The following NFIB variants were observed in gnomAD, a reference collection of about 807,000 sequenced individuals.
The protein encoded by NFIB is nuclear factor 1 B-type.
A neutral mutation model predicts 61.5 loss-of-function variants in NFIB; 11 were observed. That is an observed-to-expected ratio of 0.18 (90% CI 0.11 to 0.30). The LOEUF (loss-of-function observed/expected upper bound fraction) is 0.30, where lower values mean the gene tolerates loss of function less well. NFIB is among the 10% of genes least tolerant of loss of function. The pLI is 1.00. For synonymous variants in NFIB, 260 were observed against 216.5 expected (o/e 1.20, Z -1.76); for missense variants, 471 against 608.9 (o/e 0.77, Z 2.38).
rs548547573 is a variant in NFIB, at chr9:14,170,140, TAA to T, written c.616+9585_616+9586del. On this transcript the variant is annotated intron_variant, in intron 3 of 10. Transcript: ENST00000380953. ...CCTGGACAGTTTAGTCCAGCGAGCTTAACTTCTGCAAAGTTCAGTGATTTTAA... is the reference window on the plus strand; with the variant it reads ...CCTGGACAGTTTAGTCCAGCGAGCTTCTTCTGCAAAGTTCAGTGATTTTAA... Among the ~76,000 whole-genome samples, 929 of 152,304 alleles carry T rather than the reference TAA, an allele frequency of 6.1e-3. 9 individuals carry two copies. Among genetic ancestry groups the T allele is most frequent in the South Asian group, 0.025 (122 of 4,830 alleles).
At chr9:14,466,900 A>G in the NFIB span, among the ~76,000 whole-genome samples, 1 of 152,106 alleles carries the variant, frequency 6.6e-6, no homozygotes, top group Non-Finnish European at 1.5e-5. Context: ...GCTGACCTCT[A>G]TTTGCCTGAA....
intron 1 of NFIB, among the ~76,000 whole-genome samples, chr9:14,366,988 G>C (rs1665220848): frequency 2.0e-5 from 3 of 152,048 alleles, no homozygotes; most frequent in Admixed American, 1.3e-4. Flanking sequence ...AGTTTTGGCT[G>C]TCTCTCCTTC....
chr9:14,139,445 T>C (rs2041443427), intron 6 of NFIB, among the ~76,000 whole-genome samples: 7 of 152,182 alleles, frequency 4.6e-5, no homozygotes, highest in Non-Finnish European at 1.0e-4. Context: ...CAGAGAAACT[T>C]TGTATGGCAC....
chr9:14,272,692 CAAAAAAAAA>C (rs61391471), intron 2 of NFIB, among the ~76,000 whole-genome samples: 3 of 67,208 alleles, frequency 4.5e-5, no homozygotes, highest in East Asian at 4.6e-4. Flanking sequence ...TCAATTCTCG[CAAAAAAAAA>C]AAAAAAAAAA....
chr9:14,497,816 G>A, the NFIB span, among the ~76,000 whole-genome samples: 25 of 152,248 alleles, frequency 1.6e-4, no homozygotes, highest in South Asian at 1.0e-3. Flanking sequence ...GAAGAGTGAG[G>A]GTCTTTTTCT....
At chr9:14,530,568 G>C in the NFIB span, among the ~76,000 whole-genome samples, 2 of 152,148 alleles carry the variant, frequency 1.3e-5, no homozygotes, top group African/African-American at 4.8e-5. Flanking sequence ...GAAGGACTCA[G>C]CTTCCAGGGA....
chr9:14,373,823 T>C (rs76300257), intron 1 of NFIB, among the ~76,000 whole-genome samples: 3,228 of 152,272 alleles, frequency 0.021, 51 homozygotes, highest in Middle Eastern at 0.031. Context: ...CAGATCCACA[T>C]TCATTTTAAT....
At chr9:14,517,665 T>C in the NFIB span, among the ~76,000 whole-genome samples, 1 of 151,838 alleles carries the variant, frequency 6.6e-6, no homozygotes, top group East Asian at 1.9e-4. Context: ...GGTGATTTAA[T>C]AGCCCATGGC....
chr9:14,123,902 C>G (rs778568110), intron 7 of NFIB, among the ~76,000 whole-genome samples: 3 of 152,060 alleles, frequency 2.0e-5, no homozygotes, highest in Non-Finnish European at 2.9e-5. Flanking sequence ...CCTCTTCTTC[C>G]TAGTTTGTTG....
chr9:14,306,045 A>G, intron 2 of NFIB: 2 of 836,488 alleles, frequency 2.4e-6, no homozygotes, highest in Non-Finnish European at 1.8e-6. Flanking sequence ...TATTAAGAAA[A>G]ATAAAAATAA....
intron 6 of NFIB, among the ~76,000 whole-genome samples, chr9:14,128,332 A>G (rs990901252): frequency 6.6e-6 from 1 of 152,252 alleles, no homozygotes; most frequent in Admixed American, 6.5e-5. Context: ...AATTTCAAGT[A>G]AAATGTAACT....
chr9:14,103,203 C>T (rs79839771), intron 10 of NFIB, among the ~76,000 whole-genome samples: 1,578 of 152,282 alleles, frequency 0.01, 28 homozygotes, highest in African/African-American at 0.036. Flanking sequence ...ATCTCCGAAT[C>T]ATCAGCTCTG....
intron 1 of NFIB, among the ~76,000 whole-genome samples, chr9:14,395,726 C>CTTTTTTTTTT (rs35417792): frequency 1.5e-5 from 1 of 65,726 alleles, no homozygotes; most frequent in Non-Finnish European, 3.0e-5. Flanking sequence ...ATTCTTTTGA[C>CTTTTTTTTTT]TTTTTTTTTT....
At chr9:14,507,448 T>G in the NFIB span, among the ~76,000 whole-genome samples, 14 of 152,248 alleles carry the variant, frequency 9.2e-5, no homozygotes, top group Non-Finnish European at 1.6e-4. Flanking sequence ...TAAGCTTTCA[T>G]TACTAATTCC....
intron 6 of NFIB, among the ~76,000 whole-genome samples, chr9:14,134,565 G>A (rs1407142529): frequency 1.3e-5 from 2 of 152,028 alleles, no homozygotes; most frequent in African/African-American, 4.8e-5. Context: ...AAATTCTATG[G>A]TGTAGCCAAA....
At chr9:14,122,556 T>C (rs2039079092) in intron 7 of NFIB, among the ~76,000 whole-genome samples, 1 of 152,252 alleles carries the variant, frequency 6.6e-6, no homozygotes, top group African/African-American at 2.4e-5. Flanking sequence ...GAAGTATTAC[T>C]TTATTTAAGA....
chr9:14,483,108 A>G, the NFIB span, among the ~76,000 whole-genome samples: 42 of 152,344 alleles, frequency 2.8e-4, no homozygotes, highest in African/African-American at 9.9e-4. Context: ...GAAGTGAATC[A>G]TAACCTCCTG....
intron 10 of NFIB, among the ~76,000 whole-genome samples, chr9:14,101,174 T>C (rs991875794): frequency 3.3e-5 from 5 of 152,192 alleles, no homozygotes; most frequent in African/African-American, 9.7e-5. Flanking sequence ...GTTGAGTTTA[T>C]CTTCTTTTTA....
At chr9:14,510,110 G>T in the NFIB span, among the ~76,000 whole-genome samples, 1 of 152,196 alleles carries the variant, frequency 6.6e-6, no homozygotes, top group Non-Finnish European at 1.5e-5. Context: ...TGGCCAGGCA[G>T]ATCTTGAACT....
Sources: gnomAD v4.1 joint callset for allele counts (sites outside exome capture counted in the v4.1 genomes callset) on GRCh38, gnomAD v4.1.1 for gene constraint, MANE v1.5 for transcripts, NCBI Gene and HGNC (gene_info 2026-07-23, HGNC 2026-07-21) for gene names.